GPA33: variants seen among roughly 807,000 people sequenced by gnomAD.
GPA33 encodes cell surface A33 antigen.
GPA33 carries 27 observed loss-of-function variants against 35.6 expected under a neutral mutation model. The observed-to-expected ratio is 0.76, with a 90% CI of 0.56 to 1.04. The LOEUF (loss-of-function observed/expected upper bound fraction) is 1.04, where lower values mean the gene tolerates loss of function less well. Among genes scored for constraint, GPA33 ranks in the 50% least tolerant of loss-of-function variants. GPA33 has a pLI of 0.00. For synonymous variants in GPA33, 176 were observed against 164.0 expected, an observed-to-expected ratio of 1.07 and a Z score of -0.56; for missense variants, 428 against 411.9, an observed-to-expected ratio of 1.04 and a Z score of -0.34.
intron 2 of GPA33, 129 bp from the exon 3 acceptor site, chr1:167,069,267 C>A (rs1195728317): frequency 8.2e-6 from 5 of 609,908 alleles, no homozygotes; most frequent in African/African-American, 3.7e-5. Context: ...CCCCTCAGAA[C>A]AAATAGCTCG....
intron 1 of GPA33, among the ~76,000 whole-genome samples, chr1:167,083,150 A>G (rs184396725): frequency 2.8e-4 from 43 of 152,328 alleles, no homozygotes; most frequent in Non-Finnish European, 5.9e-4. Context: ...AGCTCCTGCT[A>G]AAATGCAGGT....
chr1:167,084,996 G>A (rs1417353397), intron 1 of GPA33, among the ~76,000 whole-genome samples: 4 of 152,230 alleles, frequency 2.6e-5, no homozygotes, highest in Non-Finnish European at 5.9e-5. Flanking sequence ...AAAAGATCAT[G>A]AGTTTTGTTT....
intron 1 of GPA33, among the ~76,000 whole-genome samples, chr1:167,081,334 C>T (rs1232580580): frequency 6.6e-6 from 1 of 152,106 alleles, no homozygotes; most frequent in East Asian, 1.9e-4. Flanking sequence ...AGAAAGGACC[C>T]AGCCAGCCCC....
chr1:167,085,642 T>A (rs891792162), intron 1 of GPA33, among the ~76,000 whole-genome samples: 1 of 152,166 alleles, frequency 6.6e-6, no homozygotes, highest in Admixed American at 6.5e-5. Flanking sequence ...ACATACCGAA[T>A]CATCTGCATT....
At chr1:167,073,144 G>A (rs1358946107) in intron 2 of GPA33, among the ~76,000 whole-genome samples, 4 of 152,114 alleles carry the variant, frequency 2.6e-5, no homozygotes, top group African/African-American at 7.2e-5. Context: ...ATACAATTTA[G>A]GTCATTTGAG....
At chr1:167,065,047 C>T (rs952837591) in intron 3 of GPA33, among the ~76,000 whole-genome samples, 14 of 152,198 alleles carry the variant, frequency 9.2e-5, no homozygotes, top group African/African-American at 2.9e-4. Context: ...TTTCACTCAG[C>T]ATTGTCAAGA....
chr1:167,062,137 T>C (rs1186467521), intron 4 of GPA33, among the ~76,000 whole-genome samples: 1 of 152,164 alleles, frequency 6.6e-6, no homozygotes, highest in Non-Finnish European at 1.5e-5. Flanking sequence ...ATGGACACCT[T>C]TCAGGCCTTG....
chr1:167,054,883 GGGTGCT>G (rs1666201075), intron 6 of GPA33, 87 bp downstream of exon 6: 1 of 1,409,842 alleles, frequency 7.1e-7, no homozygotes. Flanking sequence ...ATACCCCAAG[GGGTGCT>G]GCAAGTAGAA....
chr1:167,081,966 G>C (rs1666958602), intron 1 of GPA33, among the ~76,000 whole-genome samples: 1 of 152,202 alleles, frequency 6.6e-6, no homozygotes, highest in East Asian at 1.9e-4. Context: ...CATCCTAATA[G>C]AGCCCAATTA....
intron 4 of GPA33, among the ~76,000 whole-genome samples, chr1:167,059,269 G>A (rs1666379509): frequency 2.0e-5 from 3 of 152,116 alleles, no homozygotes; most frequent in Admixed American, 2.0e-4. Flanking sequence ...CTTTTCCTTC[G>A]GAAAGGGACT....
At chr1:167,056,660 ACGGTGAG>A (rs1666276144) in intron 4 of GPA33, among the ~76,000 whole-genome samples, 2 of 3,722 alleles carry the variant, frequency 5.4e-4, no homozygotes, top group African/African-American at 1.2e-3. Flanking sequence ...TGTGTGTGGT[ACGGTGAG>A]TGTGTGATGT....
At chr1:167,083,556 G>T (rs894413220) in intron 1 of GPA33, among the ~76,000 whole-genome samples, 3 of 152,174 alleles carry the variant, frequency 2.0e-5, no homozygotes, top group Non-Finnish European at 4.4e-5. Flanking sequence ...CTCTCACGGC[G>T]TTCACTGTTC....
At chr1:167,090,167 G>T (rs1354338787) in intron 1 of GPA33, 78 bp downstream of exon 1, 7 of 1,147,778 alleles carry the variant, frequency 6.1e-6, no homozygotes, top group Middle Eastern at 1.9e-4. Context: ...GGAAGGCTCT[G>T]ACAGAGCCTC....
At chr1:167,063,814 C>A (rs1666525816) in intron 3 of GPA33, 77 bp from the exon 4 acceptor site, 1 of 1,072,848 alleles carries the variant, frequency 9.3e-7, no homozygotes, top group Non-Finnish European at 1.4e-6. Context: ...TCCCCACCCA[C>A]CCCCCACACA....
intron 4 of GPA33, among the ~76,000 whole-genome samples, chr1:167,058,153 C>T (rs531494202): frequency 1.3e-5 from 2 of 152,194 alleles, no homozygotes; most frequent in South Asian, 4.2e-4. Flanking sequence ...GAGCTGAGAT[C>T]GCACCACTGC....
rs1666151174 is a variant in GPA33 at position 167,053,139 on chromosome 1, A to T, written c.*1195T>A. 1 of 152,234 alleles carries T rather than the reference A, an allele frequency of 6.6e-6. No homozygotes were observed. Among genetic ancestry groups the T allele is most frequent in the South Asian group, 2.1e-4 (1 of 4,828 alleles). 9.4% of individuals were successfully genotyped at this position (152,234 alleles called of 1,614,324 possible). On this transcript the variant is annotated 3_prime_UTR_variant, in exon 7 of 7. Coordinates refer to ENST00000367868, the MANE Select transcript of GPA33 (RefSeq NM_005814.3). Reference sequence around the variant, plus strand: ...CAGGACAGCCCCACCAGAAAACCAGAGCCCAAATGGGCTGGGCAGGGCCAG... The same window carrying T: ...CAGGACAGCCCCACCAGAAAACCAGTGCCCAAATGGGCTGGGCAGGGCCAG...
At chr1:167,056,619 G>GTAT (rs1327564341) in intron 4 of GPA33, among the ~76,000 whole-genome samples, 1 of 94,714 alleles carries the variant, frequency 1.1e-5, no homozygotes, top group Non-Finnish European at 2.4e-5. Context: ...TAGTGTGTGT[G>GTAT]GTGAGTGTGT....
chr1:167,073,827 G>A (rs943334224), intron 1 of GPA33, among the ~76,000 whole-genome samples: 6 of 152,080 alleles, frequency 3.9e-5, no homozygotes, highest in East Asian at 1.9e-4. Context: ...TTGTCTGAGC[G>A]TCAGTTTTCT....
chr1:167,084,420 G>A lies in GPA33; in HGVS notation c.43+5825C>T, dbSNP rs529324952. Among the ~76,000 whole-genome samples, 77 of 152,250 alleles carry A rather than the reference G, an allele frequency of 5.1e-4. 2 individuals carry two copies. The highest frequency in any genetic ancestry group is 4.4e-3 in the Admixed American group (68 of 15,294). On this transcript the variant is annotated intron_variant, in intron 1 of 6. Transcript: ENST00000367868. ...ATAAAGAGATCAAGGGTGATGTGGC[G>A]GTTTTAAAATGTGGTCCCCAAATTC... is the stretch of plus-strand genomic sequence containing the variant.
Sources: allele counts gnomAD v4.1 joint callset (sites outside exome capture counted in the v4.1 genomes callset), GRCh38; gene constraint gnomAD v4.1.1; transcripts MANE v1.5; gene names NCBI Gene and HGNC (gene_info 2026-07-23, HGNC 2026-07-21).